Variants in ARHGAP42 observed in about 807,000 individuals in gnomAD.
ARHGAP42 encodes the protein rho GTPase-activating protein 42.
Under a neutral mutation model 125.0 loss-of-function variants are expected in ARHGAP42, and 63 were observed. That is an observed-to-expected ratio of 0.50 (90% confidence interval 0.41 to 0.62). ARHGAP42 has a LOEUF of 0.62. ARHGAP42 is among the 20% of genes least tolerant of loss of function. ARHGAP42 has a pLI of 0.00. For synonymous variants in ARHGAP42, 339 were observed against 351.0 expected, an observed-to-expected ratio of 0.97 and a Z score of 0.38; for missense variants, 766 against 1,024.2, an observed-to-expected ratio of 0.75 and a Z score of 3.44.
chr11:100,876,098 T>G (rs1322254856), intron 4 of ARHGAP42, among the ~76,000 whole-genome samples: 20 of 152,166 alleles, frequency 1.3e-4, no homozygotes, highest in Admixed American at 1.3e-3. Flanking sequence ...CAAAATACCT[T>G]CTCTGGTAGC....
intron 3 of ARHGAP42, among the ~76,000 whole-genome samples, chr11:100,804,376 G>C (rs1337548967): frequency 2.0e-5 from 3 of 151,866 alleles, no homozygotes; most frequent in Non-Finnish European, 4.4e-5. Flanking sequence ...AAAATTATAG[G>C]AGGACTTAGA....
chr11:100,920,512 T>A (rs1867208564), intron 5 of ARHGAP42, among the ~76,000 whole-genome samples: 4 of 152,164 alleles, frequency 2.6e-5, no homozygotes, highest in African/African-American at 7.2e-5. Context: ...GGATACTTAG[T>A]ACTCCAGAAA....
At chr11:100,938,681 A>G (rs1241606074) in intron 8 of ARHGAP42, among the ~76,000 whole-genome samples, 3 of 152,104 alleles carry the variant, frequency 2.0e-5, no homozygotes, top group Non-Finnish European at 4.4e-5. Flanking sequence ...GTTCCCACCT[A>G]TCATCTTCTC....
At chr11:100,987,488 T>G in intron 22 of ARHGAP42, 25 bp from the exon 23 acceptor site, 1 of 1,545,506 alleles carries the variant, frequency 6.5e-7, no homozygotes, top group Admixed American at 2.0e-5. Context: ...TGTTGAGGTT[T>G]TGACAAGTTG....
chr11:100,705,026 AAAAAAAAG>A (rs1341279295), intron 1 of ARHGAP42, among the ~76,000 whole-genome samples: 1 of 147,136 alleles, frequency 6.8e-6, no homozygotes, highest in African/African-American at 2.6e-5. Context: ...AAAAAAAAAA[AAAAAAAAG>A]AGAGAAGAAA....
At chr11:100,808,187 G>C (rs1864044377) in intron 3 of ARHGAP42, among the ~76,000 whole-genome samples, 1 of 152,142 alleles carries the variant, frequency 6.6e-6, no homozygotes. Context: ...TCAGCTGACA[G>C]ACCAACCAGA....
chr11:100,937,545 C>T (rs1275071536), intron 8 of ARHGAP42, among the ~76,000 whole-genome samples: 1 of 152,098 alleles, frequency 6.6e-6, no homozygotes, highest in African/African-American at 2.4e-5. Flanking sequence ...GAGGAGCTCA[C>T]ATTTTCTACC....
chr11:100,899,652 T>C (rs1866472718), intron 4 of ARHGAP42, among the ~76,000 whole-genome samples: 1 of 151,818 alleles, frequency 6.6e-6, no homozygotes, highest in South Asian at 2.1e-4. Context: ...TATCAGAGAC[T>C]AGGATTGTAG....
chr11:100,732,866 A>G lies in ARHGAP42; in HGVS notation c.155-37477A>G, dbSNP rs75405689. Among the ~76,000 whole-genome samples, 860 of 152,334 alleles carry G rather than the reference A, an allele frequency of 5.6e-3. 10 individuals are homozygous for G. The highest frequency in any genetic ancestry group is 0.019 in the African/African-American group (795 of 41,566). On this transcript the variant is annotated intron_variant, in intron 1 of 23. Coordinates refer to ENST00000298815, the MANE Select transcript of ARHGAP42 (RefSeq NM_152432.4). Reference sequence around the variant, plus strand: ...TCTATGCTACTCAGCCTGCCTTAAAATCTTGAGATACTTTTTATACTAATT... The same window carrying G: ...TCTATGCTACTCAGCCTGCCTTAAAGTCTTGAGATACTTTTTATACTAATT...
intron 1 of ARHGAP42, among the ~76,000 whole-genome samples, chr11:100,744,788 T>C (rs538330027): frequency 6.6e-6 from 1 of 152,306 alleles, no homozygotes; most frequent in South Asian, 2.1e-4. Context: ...TTGTTATAAA[T>C]AAAGTTTCGG....
In ARHGAP42 at chr11:100,853,637, C is replaced by A. The variant is rs147279947; in HGVS notation, c.313-5917C>A. Among the ~76,000 whole-genome samples, 514 of 152,210 alleles carry A rather than the reference C, an allele frequency of 3.4e-3. 9 individuals carry two copies. Among genetic ancestry groups the A allele is most frequent in the Admixed American group, 0.03 (464 of 15,262 alleles). The stretch of plus-strand genomic sequence containing the variant: ...TACAATCTACTCTCCTCTCCCACTT[C>A]CTCTGCTAGATTCTGTGAAAATGGT... On this transcript the variant is annotated intron_variant, in intron 3 of 23. Coordinates refer to ENST00000298815, the MANE Select transcript of ARHGAP42 (RefSeq NM_152432.4).
At chr11:100,740,317 G>A (rs370404962) in intron 1 of ARHGAP42, among the ~76,000 whole-genome samples, 1 of 152,042 alleles carries the variant, frequency 6.6e-6, no homozygotes. Context: ...CACAAGGGAA[G>A]AAAAACGTAT....
At chr11:100,840,933 C>T (rs755863436) in intron 3 of ARHGAP42, among the ~76,000 whole-genome samples, 1 of 152,080 alleles carries the variant, frequency 6.6e-6, no homozygotes, top group Non-Finnish European at 1.5e-5. Flanking sequence ...CTTCTTTGGG[C>T]TTCAGTCTCC....
chr11:100,888,420 A>C (rs1170170939), intron 4 of ARHGAP42, among the ~76,000 whole-genome samples: 2 of 152,070 alleles, frequency 1.3e-5, no homozygotes, highest in African/African-American at 4.8e-5. Flanking sequence ...GGATTAGTTG[A>C]CCTAAAACAA....
chr11:100,963,857 C>A (rs182216040), intron 16 of ARHGAP42, among the ~76,000 whole-genome samples: 3 of 152,140 alleles, frequency 2.0e-5, no homozygotes. Flanking sequence ...AACCCAGAAC[C>A]CTTTCTTACA....
At chr11:100,900,046 G>A (rs1309701728) in intron 4 of ARHGAP42, among the ~76,000 whole-genome samples, 1 of 152,058 alleles carries the variant, frequency 6.6e-6, no homozygotes, top group Non-Finnish European at 1.5e-5. Flanking sequence ...GGCTCGTACT[G>A]GTCGTTTCTT....
At position 100,859,754 on chromosome 11, in the gene ARHGAP42, G is replaced by A. The variant is rs552019947; in HGVS notation, c.384+129G>A. On this transcript the variant is annotated intron_variant, in intron 4 of 23. Transcript: ENST00000298815. ...TTTTGTACATCATTTAAAACTTTTT[G>A]CATAGAGACTTAACAAAGACTGGAC... 4.4e-5 allele frequency: 28 copies of A among 642,014 alleles called. No homozygotes were observed. The South Asian group carries it at 7.5e-4, about 17-fold the overall frequency. 39.8% of individuals were successfully genotyped at this position (642,014 alleles called of 1,614,324 possible).
chr11:100,756,604 C>T (rs1862583296), intron 1 of ARHGAP42, among the ~76,000 whole-genome samples: 1 of 152,162 alleles, frequency 6.6e-6, no homozygotes, highest in Non-Finnish European at 1.5e-5. Context: ...AGGCCGATTA[C>T]ATGCTGATTA....
At chr11:100,764,985 T>TGAGGACTTGAG (rs1433653564) in intron 1 of ARHGAP42, among the ~76,000 whole-genome samples, 1 of 152,048 alleles carries the variant, frequency 6.6e-6, no homozygotes, top group East Asian at 1.9e-4. Flanking sequence ...TTGGAAAAAA[T>TGAGGACTTGAG]GAGGACTTGA....
Sources: gnomAD v4.1 joint callset for allele counts (sites outside exome capture counted in the v4.1 genomes callset) on GRCh38, gnomAD v4.1.1 for gene constraint, MANE v1.5 for transcripts, NCBI Gene and HGNC (gene_info 2026-07-23, HGNC 2026-07-21) for gene names.